MARCHF8: variants seen among roughly 807,000 people sequenced by gnomAD.
MARCHF8 encodes the protein membrane associated ring-CH-type finger 8.
MARCHF8 carries 40 observed loss-of-function variants against 51.6 expected under a neutral mutation model. That is an observed-to-expected ratio of 0.77 (90% CI 0.60 to 1.01). MARCHF8 has a LOEUF of 1.01. MARCHF8 is among the 50% of genes least tolerant of loss of function. The pLI is 0.00. For missense variants in MARCHF8, 685 were observed against 708.6 expected (o/e 0.97, Z 0.38); for synonymous variants, 263 against 280.3 (o/e 0.94, Z 0.62).
intron 1 of MARCHF8, among the ~76,000 whole-genome samples, chr10:45,580,205 C>G (rs931586231): frequency 2.6e-5 from 4 of 151,462 alleles, no homozygotes; most frequent in East Asian, 1.9e-4. Context: ...AACCACAAAA[C>G]GCAATATGCA....
At chr10:45,540,974 C>G (rs1452955563) in intron 1 of MARCHF8, among the ~76,000 whole-genome samples, 1 of 152,190 alleles carries the variant, frequency 6.6e-6, no homozygotes, top group Admixed American at 6.5e-5. Context: ...GTTGGTGGGA[C>G]AGTAAACTAG....
At chr10:45,531,553 G>C (rs191350715) in intron 2 of MARCHF8, among the ~76,000 whole-genome samples, 4 of 152,082 alleles carry the variant, frequency 2.6e-5, no homozygotes, top group African/African-American at 9.7e-5. Flanking sequence ...GTATACTATT[G>C]TAAGGTTCTC....
At position 45,489,367 on chromosome 10, in the gene MARCHF8, C is replaced by G; in HGVS notation, c.153G>C (p.Lys51Asn). 1 of 1,611,816 alleles carries G rather than the reference C, an allele frequency of 6.2e-7. No homozygotes were observed. Among genetic ancestry groups the G allele is most frequent in the Non-Finnish European group, 8.5e-7 (1 of 1,178,614 alleles). ...ATAACATTTTTCAGTGGCACTCTACCTTAGAAATGTTGCTTGAATGACTCA... is the reference window on the plus strand; with the variant it reads ...ATAACATTTTTCAGTGGCACTCTACGTTAGAAATGTTGCTTGAATGACTCA... ...HFMSHSSNIS[K>N]AGSPPSASAP... Residue 51 changes from lysine (K) to asparagine (N), a missense_variant and splice_region_variant, in exon 3 of 8, where the codon AAG becomes AAC. Physicochemically the swap from Lys to Asn is moderately conservative, Grantham distance 94 (BLOSUM62 0). Coordinates refer to ENST00000453424, the MANE Select transcript of MARCHF8 (RefSeq NM_001282866.2).
intron 1 of MARCHF8, among the ~76,000 whole-genome samples, chr10:45,562,946 G>T (rs1436029759): frequency 2.7e-5 from 4 of 145,936 alleles, no homozygotes; most frequent in East Asian, 2.0e-4. Flanking sequence ...TTATATGTGG[G>T]TTTTTTTTTT....
At chr10:45,460,014 C>T (rs1842735939) in intron 6 of MARCHF8, 1 of 409,702 alleles carries the variant, frequency 2.4e-6, no homozygotes, top group Non-Finnish European at 3.3e-6. Flanking sequence ...AAAATAGAGC[C>T]TCAAGGACTT....
intron 3 of MARCHF8, among the ~76,000 whole-genome samples, chr10:45,476,051 G>T (rs1368700544): frequency 6.6e-6 from 1 of 152,098 alleles, no homozygotes; most frequent in East Asian, 1.9e-4. Flanking sequence ...CAACACCATA[G>T]ACACACCCTC....
At chr10:45,489,478 G>C (rs1323871188) in intron 2 of MARCHF8, 61 bp from the exon 3 acceptor site, 2 of 1,436,572 alleles carry the variant, frequency 1.4e-6, no homozygotes, top group South Asian at 1.2e-5. Context: ...CAAAGAACAA[G>C]TAATTGATCA....
intron 1 of MARCHF8, among the ~76,000 whole-genome samples, chr10:45,590,918 G>C (rs543719583): frequency 4.6e-5 from 7 of 152,310 alleles, no homozygotes; most frequent in African/African-American, 1.7e-4. Flanking sequence ...ATCCACAAAA[G>C]AAGTGAAAAT....
chr10:45,556,570 T>TGAC (rs1331057206), intron 1 of MARCHF8, among the ~76,000 whole-genome samples: 2 of 152,236 alleles, frequency 1.3e-5, no homozygotes, highest in Non-Finnish European at 2.9e-5. Context: ...CTTTGATGTA[T>TGAC]GACTGTATGT....
chr10:45,546,815 T>C (rs1427945331), intron 1 of MARCHF8, among the ~76,000 whole-genome samples: 1 of 150,844 alleles, frequency 6.6e-6, no homozygotes, highest in African/African-American at 2.4e-5. Flanking sequence ...CCAGAAAATA[T>C]ATATGCAATT....
At chr10:45,532,790 C>T (rs1186299540) in intron 2 of MARCHF8, among the ~76,000 whole-genome samples, 1 of 152,196 alleles carries the variant, frequency 6.6e-6, no homozygotes, top group Non-Finnish European at 1.5e-5. Context: ...CCAAATTTCA[C>T]ACTACGATGA....
chr10:45,543,793 G>C (rs1175143441), intron 1 of MARCHF8, among the ~76,000 whole-genome samples: 1 of 83,902 alleles, frequency 1.2e-5, no homozygotes, highest in Non-Finnish European at 2.2e-5. Context: ...GTGAGACTCC[G>C]TCTCAAAAAA....
At chr10:45,490,150 G>A (rs922072759) in intron 2 of MARCHF8, among the ~76,000 whole-genome samples, 1 of 152,030 alleles carries the variant, frequency 6.6e-6, no homozygotes, top group African/African-American at 2.4e-5. Flanking sequence ...TGGCCTTTTT[G>A]CCTTTAGGTT....
chr10:45,565,370 A>G (rs1469077594), intron 1 of MARCHF8, among the ~76,000 whole-genome samples: 4 of 152,114 alleles, frequency 2.6e-5, no homozygotes, highest in Non-Finnish European at 5.9e-5. Context: ...GGCAGAGGAT[A>G]CAGTGTGCCA....
chr10:45,543,080 C>G (rs569732018), intron 1 of MARCHF8, among the ~76,000 whole-genome samples: 22 of 152,312 alleles, frequency 1.4e-4, no homozygotes, highest in Non-Finnish European at 2.8e-4. Flanking sequence ...CTACAATGCT[C>G]TCTATATTAA....
chr10:45,575,047 G>A (rs768077731), intron 1 of MARCHF8, among the ~76,000 whole-genome samples: 2 of 151,376 alleles, frequency 1.3e-5, no homozygotes, highest in Admixed American at 6.6e-5. Flanking sequence ...TCTCAAAGCC[G>A]CTTTACTTCT....
At chr10:45,467,236 G>A (rs999839408) in intron 3 of MARCHF8, among the ~76,000 whole-genome samples, 2 of 152,170 alleles carry the variant, frequency 1.3e-5, no homozygotes, top group East Asian at 1.9e-4. Flanking sequence ...CCCAATGACA[G>A]AGAAAGAGTC....
At chr10:45,559,475 C>T (rs1322014595) in intron 1 of MARCHF8, among the ~76,000 whole-genome samples, 3 of 152,230 alleles carry the variant, frequency 2.0e-5, no homozygotes, top group Non-Finnish European at 2.9e-5. Context: ...AATTCTCCTG[C>T]CTCAGCCTCA....
intron 1 of MARCHF8, among the ~76,000 whole-genome samples, chr10:45,568,755 T>C (rs1394855497): frequency 7.2e-6 from 1 of 138,804 alleles, no homozygotes; most frequent in Non-Finnish European, 1.5e-5. Context: ...ACACTAATGA[T>C]AGCTGGTGAG....
Sources: allele counts gnomAD v4.1 joint callset (sites outside exome capture counted in the v4.1 genomes callset), GRCh38; gene constraint gnomAD v4.1.1; transcripts MANE v1.5; gene names NCBI Gene and HGNC (gene_info 2026-07-23, HGNC 2026-07-21).